The following ANKRD12 variants were observed in gnomAD, a reference collection of about 807,000 sequenced individuals.
The protein encoded by ANKRD12 is ankyrin repeat domain-containing protein 12.
ANKRD12 carries 85 observed loss-of-function variants against 183.4 expected under a neutral mutation model. That is an observed-to-expected ratio of 0.46 (90% confidence interval 0.39 to 0.56). The LOEUF (loss-of-function observed/expected upper bound fraction) is 0.56, where lower values mean the gene tolerates loss of function less well. Ranked by LOEUF, ANKRD12 falls within the 20% of genes least tolerant of loss-of-function variation. The probability of loss-of-function intolerance (pLI) is 0.00; values close to 1 mark genes in which losing one functional copy is unlikely to be tolerated. For synonymous variants in ANKRD12, 914 were observed against 800.2 expected (o/e 1.14, Z -2.40); for missense variants, 2,405 against 2,357.1 (o/e 1.02, Z -0.42).
At chr18:9,247,597 G>A (rs1417597891) in intron 8 of ANKRD12, among the ~76,000 whole-genome samples, 4 of 151,912 alleles carry the variant, frequency 2.6e-5, no homozygotes, top group Non-Finnish European at 5.9e-5. Flanking sequence ...TAATTGCCTC[G>A]TAAAATATGT....
At chr18:9,228,959 T>C (rs530606695) in intron 8 of ANKRD12, among the ~76,000 whole-genome samples, 37 of 152,280 alleles carry the variant, frequency 2.4e-4, no homozygotes, top group African/African-American at 8.9e-4. Flanking sequence ...CATTTAAGTC[T>C]TTAATTCATT....
At chr18:9,229,117 C>A (rs1047285180) in intron 8 of ANKRD12, among the ~76,000 whole-genome samples, 1 of 152,026 alleles carries the variant, frequency 6.6e-6, no homozygotes. Flanking sequence ...GATCATTTGG[C>A]TGTAAATATG....
chr18:9,211,623 A>G lies in ANKRD12; in HGVS notation c.491A>G (p.Gln164Arg). 1 of 1,613,942 alleles carries G rather than the reference A, an allele frequency of 6.2e-7. No homozygotes were observed. The highest frequency in any genetic ancestry group is 8.5e-7 in the Non-Finnish European group (1 of 1,179,902). Residue 164 changes from glutamine to arginine, a missense_variant, in exon 6 of 13, where the codon CAA becomes CGA. Gln to Arg is a conservative substitution (Grantham distance 43). Transcript: ENST00000262126. The part of the protein sequence containing the change: ...PNHPSQTTPA[Q>R]KKTPSSSSRQ... Reference sequence around the variant, plus strand: ...CATCCATCACAAACAACGCCTGCCCAAAAGAAAACTCCCAGTTCTTCATCT... The same window carrying G: ...CATCCATCACAAACAACGCCTGCCCGAAAGAAAACTCCCAGTTCTTCATCT...
intron 3 of ANKRD12, among the ~76,000 whole-genome samples, chr18:9,198,661 C>G (rs999900410): frequency 6.6e-6 from 1 of 151,978 alleles, no homozygotes; most frequent in Non-Finnish European, 1.5e-5. Flanking sequence ...GTGATTCTCC[C>G]GCCTCAGCCT....
intron 9 of ANKRD12, among the ~76,000 whole-genome samples, chr18:9,261,749 C>A (rs1015273397): frequency 6.6e-6 from 1 of 152,186 alleles, no homozygotes; most frequent in African/African-American, 2.4e-5. Context: ...AATTACCTCC[C>A]TCCCTCCTTT....
At chr18:9,207,485 G>A (rs1225744278) in intron 4 of ANKRD12, among the ~76,000 whole-genome samples, 1 of 151,994 alleles carries the variant, frequency 6.6e-6, no homozygotes, top group Non-Finnish European at 1.5e-5. Flanking sequence ...AGGTGACAGA[G>A]TATCCTGATT....
chr18:9,150,040 C>T (rs1357632076), intron 1 of ANKRD12, among the ~76,000 whole-genome samples: 5 of 151,898 alleles, frequency 3.3e-5, no homozygotes, highest in East Asian at 1.9e-4. Context: ...CAGGTGATCT[C>T]GCCTCGGCCT....
chr18:9,138,830 GT>G (rs1394413999), intron 1 of ANKRD12, among the ~76,000 whole-genome samples: 1 of 152,188 alleles, frequency 6.6e-6, no homozygotes, highest in African/African-American at 2.4e-5. Context: ...GGGGAGAAAA[GT>G]TTTACTACTT....
chr18:9,172,899 GTTTT>G (rs902620034), intron 1 of ANKRD12, among the ~76,000 whole-genome samples: 13 of 149,702 alleles, frequency 8.7e-5, no homozygotes, highest in African/African-American at 1.2e-4. Context: ...TTTGTTTTTT[GTTTT>G]TTTGTTTTTG....
chr18:9,173,180 A>C (rs1419002315), intron 1 of ANKRD12, among the ~76,000 whole-genome samples: 1 of 150,064 alleles, frequency 6.7e-6, no homozygotes, highest in East Asian at 2.0e-4. Flanking sequence ...AGCCATTCTC[A>C]TGCCTCAGCC....
In ANKRD12 at chr18:9,221,877, G is replaced by A; in HGVS notation, c.821G>A (p.Gly274Asp). The A allele has an allele frequency of 6.2e-7, 1 of 1,613,976 alleles. No individual in the cohort carries two copies. The highest frequency in any genetic ancestry group is 8.5e-7 in the Non-Finnish European group (1 of 1,179,910). ...RDIVKLLLRHGGNPFQANKHG... is the reference protein window; with the variant it reads ...RDIVKLLLRHDGNPFQANKHG... ...ATAGTAAAGCTGTTACTTCGTCACG[G>A]TGGAAATCCATTTCAAGCTAATAAA... The change falls in exon 8 of 13, where the codon GGT (glycine) becomes GAT (aspartate). Residue 274 changes from glycine (G) to aspartate (D), a missense_variant. Coordinates refer to ENST00000262126, the MANE Select transcript of ANKRD12 (RefSeq NM_015208.5).
chr18:9,148,404 A>G (rs1442639571), intron 1 of ANKRD12, among the ~76,000 whole-genome samples: 1 of 152,210 alleles, frequency 6.6e-6, no homozygotes, highest in Non-Finnish European at 1.5e-5. Context: ...ATTTATTTAC[A>G]AACTCTAAAT....
rs147801213 is a variant in ANKRD12, at chr18:9,276,072, AC to A, written c.5907+406del. ...AAAACAGAGCGAGTCTTCTGGTTTG[AC>A]TTTGAATGTTGGTGGAATACATGAA... On this transcript the variant is annotated intron_variant, in intron 11 of 12. Transcript: ENST00000262126. Among the ~76,000 whole-genome samples the A allele has an allele frequency of 7.1e-3, 1,078 of 152,334 alleles. 8 individuals carry two copies. The highest frequency in any genetic ancestry group is 0.011 in the Non-Finnish European group (716 of 68,024).
chr18:9,261,374 T>C (rs939532996), intron 9 of ANKRD12, among the ~76,000 whole-genome samples: 7 of 152,216 alleles, frequency 4.6e-5, no homozygotes, highest in Admixed American at 6.5e-5. Context: ...CTTTGATGTA[T>C]TGGGAGTTTT....
chr18:9,211,496 G>A (rs1344106139), intron 5 of ANKRD12, 88 bp from the exon 6 acceptor site: 31 of 1,208,504 alleles, frequency 2.6e-5, no homozygotes, highest in Admixed American at 1.8e-4. Flanking sequence ...TGTGTTTCAG[G>A]AGATTAGCAT....
Position 9,255,032 on chromosome 18 carries a change from G to GT in ANKRD12, c.1765_1766insT (p.Glu589ValfsTer13). On this transcript the variant is annotated frameshift_variant, in exon 9 of 13. Transcript: ENST00000262126. LOFTEE classifies it high-confidence loss of function. ...TGTTCGGTATGATAATACAGAATCT[G>GT]AATTCTTGCCAGAAAGTTCAAGTGT... 1 of 1,596,692 alleles carries GT rather than the reference G, an allele frequency of 6.3e-7. No homozygotes were observed. Among genetic ancestry groups the GT allele is most frequent in the Non-Finnish European group, 8.5e-7 (1 of 1,174,354 alleles).
At position 9,283,555 on chromosome 18, in the gene ANKRD12, G is replaced by T. The variant is rs2040168982; in HGVS notation, c.*2429G>T. 6.6e-6 allele frequency: 1 copy of T among 152,538 alleles called. No individual in the cohort carries two copies. The highest frequency in any genetic ancestry group is 2.1e-4 in the South Asian group (1 of 4,834). The allele number at this position is 152,538 out of a possible 1,614,324, so 9.4% of individuals were successfully genotyped here. On this transcript the variant is annotated 3_prime_UTR_variant, in exon 13 of 13. Transcript: ENST00000262126. ...ATGCTAGAAAAAAATTTGGAATGGA[G>T]TATATGCCTGAAAAGGTTTTGGATT...
At chr18:9,222,769 T>C (rs2036492627) in intron 8 of ANKRD12, among the ~76,000 whole-genome samples, 1 of 152,220 alleles carries the variant, frequency 6.6e-6, no homozygotes, top group African/African-American at 2.4e-5. Context: ...CAGAAAGTTC[T>C]ACCCTTTATT....
At chr18:9,151,200 C>T (rs748082922) in intron 1 of ANKRD12, among the ~76,000 whole-genome samples, 10 of 152,044 alleles carry the variant, frequency 6.6e-5, no homozygotes, top group Non-Finnish European at 8.8e-5. Context: ...CTATTTGTTT[C>T]GAGGCTTTTT....
Sources: gnomAD v4.1 joint callset for allele counts (sites outside exome capture counted in the v4.1 genomes callset) on GRCh38, gnomAD v4.1.1 for gene constraint, MANE v1.5 for transcripts, NCBI Gene and HGNC (gene_info 2026-07-23, HGNC 2026-07-21) for gene names.